Variants in ASB5 observed in about 807,000 individuals in gnomAD.
The protein encoded by ASB5 is ankyrin repeat and SOCS box protein 5.
A neutral mutation model predicts 42.1 loss-of-function variants in ASB5; 45 were observed. The ratio of observed to expected loss-of-function variants is 1.07; its 90% CI spans 0.84 to 1.37. The LOEUF (loss-of-function observed/expected upper bound fraction) is 1.37, where lower values mean the gene tolerates loss of function less well. ASB5 is among the 40% of genes most tolerant of loss of function. The pLI is 0.00. For missense variants in ASB5, 402 were observed against 399.8 expected (o/e 1.01, Z -0.05); for synonymous variants, 147 against 150.6 (o/e 0.98, Z 0.18).
chr4:176,242,443 A>G, intron 1 of ASB5, among the ~76,000 whole-genome samples: 1 of 152,212 alleles, frequency 6.6e-6, no homozygotes, highest in Non-Finnish European at 1.5e-5. Context: ...TGAATTTACA[A>G]CTATTTAAGT....
At chr4:176,223,457 T>C (rs1753281238) in intron 2 of ASB5, among the ~76,000 whole-genome samples, 2 of 152,194 alleles carry the variant, frequency 1.3e-5, no homozygotes, top group African/African-American at 4.8e-5. Context: ...AATATCACAC[T>C]AAAATAATTA....
At chr4:176,216,088 C>A (rs1752961744) in intron 6 of ASB5, among the ~76,000 whole-genome samples, 1 of 151,514 alleles carries the variant, frequency 6.6e-6, no homozygotes, top group South Asian at 2.1e-4. Flanking sequence ...TAATATTTAC[C>A]CTAAAAGAAA....
upstream of ASB5, chr4:176,269,282 T>A (rs1221853133): frequency 2.2e-6 from 1 of 445,152 alleles, no homozygotes; most frequent in Non-Finnish European, 3.9e-6. Context: ...CAAACTCCTA[T>A]TGGTCTGAAA....
intron 1 of ASB5, chr4:176,249,397 TA>T (rs1274462946): frequency 6.6e-6 from 1 of 152,136 alleles, no homozygotes; most frequent in Non-Finnish European, 1.5e-5. Context: ...AAAAAGATTT[TA>T]AAATAGAGGC....
chr4:176,222,397 G>C lies in ASB5; in HGVS notation c.300C>G (p.Thr100=), dbSNP rs112037572. 1 of 1,613,578 alleles carries C rather than the reference G, an allele frequency of 6.2e-7. No individual in the cohort carries two copies. Among genetic ancestry groups the C allele is most frequent in the Non-Finnish European group, 8.5e-7 (1 of 1,179,764 alleles). Residue 100 remains threonine (T), a synonymous_variant, in exon 3 of 7, where the codon ACC becomes ACG. Coordinates refer to ENST00000296525, the MANE Select transcript of ASB5 (RefSeq NM_080874.4). ...CGTGCAATGGGGTGACATGGTCTAA[G>C]GTTACTGCATTTACATTATAACCCT... is the stretch of plus-strand genomic sequence containing the variant. ...LSQGYNVNAV[T]LDHVTPLHEA... is the part of the protein sequence containing the mutation.
intron 2 of ASB5, among the ~76,000 whole-genome samples, chr4:176,275,599 C>T (rs1754550081): frequency 1.3e-5 from 2 of 152,326 alleles, no homozygotes; most frequent in African/African-American, 2.4e-5. Flanking sequence ...TCCCTACGAT[C>T]CCATAGAATA....
At chr4:176,217,325 C>T (rs938599549) in intron 5 of ASB5, among the ~76,000 whole-genome samples, 1 of 151,938 alleles carries the variant, frequency 6.6e-6, no homozygotes, top group Non-Finnish European at 1.5e-5. Context: ...TAAATGATTC[C>T]AAAAGTAACC....
At chr4:176,222,200 T>C (rs1292968666) in intron 3 of ASB5, 113 bp downstream of exon 3, 1 of 918,714 alleles carries the variant, frequency 1.1e-6, no homozygotes, top group Non-Finnish European at 1.6e-6. Flanking sequence ...TTATTTTTAT[T>C]CTGCTATTTT....
chr4:176,249,033 C>A lies in ASB5; in HGVS notation c.196+19880G>T, dbSNP rs527927956. On this transcript the variant is annotated intron_variant, in intron 1 of 6. Transcript: ENST00000296525. Reference sequence around the variant, plus strand: ...CCAGGCTAGAGTACAGTGGTGTGATCTTGGCTCCCTGAAACCTCTGCTTCC... The same window carrying A: ...CCAGGCTAGAGTACAGTGGTGTGATATTGGCTCCCTGAAACCTCTGCTTCC... Among the ~76,000 whole-genome samples the A allele has an allele frequency of 5.3e-5, 8 of 152,324 alleles. No homozygotes were observed. The South Asian group carries it at 1.7e-3, about 32-fold the overall frequency.
rs775683850 is a variant in ASB5, at chr4:176,215,704, G to C, written c.886C>G (p.Leu296Val). 18 of 1,612,726 alleles carry C rather than the reference G, an allele frequency of 1.1e-5. No individual in the cohort carries two copies. In the African/African-American group the frequency reaches 2.3e-4, roughly 20 times the overall value. Residue 296 changes from leucine (L) to valine (V), a missense_variant, in exon 7 of 7, where the codon CTT (leucine) becomes GTT (valine). Physicochemically the swap from Leu to Val is conservative, Grantham distance 32. Coordinates refer to ENST00000296525, the MANE Select transcript of ASB5 (RefSeq NM_080874.4). ...TAGCTTCGGATACAGAGTCGGCAAAGTTGGTAAAGAGAGCTTGGGGTAGCT... is the reference window on the plus strand; with the variant it reads ...TAGCTTCGGATACAGAGTCGGCAAACTTGGTAAAGAGAGCTTGGGGTAGCT... ...HEATPSSLYQ[L>V]CRLCIRSYIG...
chr4:176,266,392 C>T (rs1754356009), intron 1 of ASB5, among the ~76,000 whole-genome samples: 1 of 151,906 alleles, frequency 6.6e-6, no homozygotes, highest in South Asian at 2.1e-4. Flanking sequence ...GATAATCTCT[C>T]CCAGGAAGGA....
chr4:176,244,547 T>C (rs1453732977), intron 1 of ASB5, among the ~76,000 whole-genome samples: 5 of 152,238 alleles, frequency 3.3e-5, no homozygotes, highest in Non-Finnish European at 7.3e-5. Context: ...TGGCTATCTC[T>C]TTGATAAATC....
chr4:176,269,154 A>C lies in ASB5; in HGVS notation c.-46T>G. ...CGGTCTTTAGTTGGATCCAAGTCTC[A>C]AATGTGCCTGGCTCTCGTCCGGGAT... On this transcript the variant is annotated 5_prime_UTR_variant, in exon 1 of 7. Coordinates refer to ENST00000296525, the MANE Select transcript of ASB5 (RefSeq NM_080874.4). 1.9e-6 allele frequency: 3 copies of C among 1,566,120 alleles called. No homozygotes were observed. Among genetic ancestry groups the C allele is most frequent in the East Asian group, 2.3e-5 (1 of 43,802 alleles).
chr4:176,273,392 T>G (rs750236610), upstream of ASB5, among the ~76,000 whole-genome samples: 5 of 152,100 alleles, frequency 3.3e-5, no homozygotes, highest in Non-Finnish European at 7.4e-5. Flanking sequence ...GGTAATATAT[T>G]CACTATTGCA....
At chr4:176,268,817 A>C in intron 1 of ASB5, 96 bp downstream of exon 1, 3 of 1,066,950 alleles carry the variant, frequency 2.8e-6, no homozygotes, top group Non-Finnish European at 3.8e-6. Context: ...TTTATAAAAT[A>C]TTTACCTTGA....
chr4:176,222,534 C>A, intron 2 of ASB5, 114 bp from the exon 3 acceptor site: 7 of 978,386 alleles, frequency 7.2e-6, no homozygotes, highest in Non-Finnish European at 9.2e-6. Flanking sequence ...CTCAGGCAAA[C>A]GAGTTTCCAG....
intron 1 of ASB5, among the ~76,000 whole-genome samples, chr4:176,228,512 T>C (rs1753439483): frequency 6.6e-6 from 1 of 152,344 alleles, no homozygotes; most frequent in South Asian, 2.1e-4. Context: ...CAATAACAGA[T>C]ATAAGTTTCC....
intron 1 of ASB5, among the ~76,000 whole-genome samples, chr4:176,248,667 G>A (rs1048965758): frequency 1.3e-5 from 2 of 152,058 alleles, no homozygotes; most frequent in Non-Finnish European, 2.9e-5. Context: ...GAGAATGAAT[G>A]AACCTAGATA....
intron 5 of ASB5, among the ~76,000 whole-genome samples, chr4:176,219,746 T>C (rs1416232726): frequency 6.6e-6 from 1 of 150,730 alleles, no homozygotes; most frequent in African/African-American, 2.4e-5. Context: ...TTTGTATTTT[T>C]AATAGAGACA....
Sources: gnomAD v4.1 joint callset for allele counts (sites outside exome capture counted in the v4.1 genomes callset) on GRCh38, gnomAD v4.1.1 for gene constraint, MANE v1.5 for transcripts, NCBI Gene and HGNC (gene_info 2026-07-23, HGNC 2026-07-21) for gene names.